GLIPR1L1: variants seen among roughly 807,000 people sequenced by gnomAD.
GLIPR1L1 encodes GLIPR1-like protein 1.
A neutral mutation model predicts 29.9 loss-of-function variants in GLIPR1L1; 26 were observed. The observed-to-expected ratio is 0.87, with a 90% confidence interval of 0.64 to 1.21. The LOEUF (loss-of-function observed/expected upper bound fraction) is 1.21, where lower values mean the gene tolerates loss of function less well. Among genes scored for constraint, GLIPR1L1 ranks in the 50% most tolerant of loss-of-function variants. The pLI, the probability that GLIPR1L1 is intolerant of heterozygous loss-of-function variation, is 0.00. For missense variants in GLIPR1L1, 305 were observed against 290.3 expected (o/e 1.05, Z -0.37); for synonymous variants, 77 against 97.5 (o/e 0.79, Z 1.24).
intron 1 of GLIPR1L1, among the ~76,000 whole-genome samples, chr12:75,342,019 AG>A (rs1441366351): frequency 6.6e-6 from 1 of 152,176 alleles, no homozygotes; most frequent in African/African-American, 2.4e-5. Context: ...CTGGGATTAC[AG>A]GCATGAGTCA....
intron 1 of GLIPR1L1, among the ~76,000 whole-genome samples, chr12:75,336,021 T>A (rs2041712294): frequency 6.6e-6 from 1 of 151,982 alleles, no homozygotes; most frequent in African/African-American, 2.4e-5. Flanking sequence ...AACAATGAAT[T>A]GTGGAGTTTA....
chr12:75,360,379 A>G (rs1041586507), intron 3 of GLIPR1L1: 2 of 152,192 alleles, frequency 1.3e-5, no homozygotes, highest in Non-Finnish European at 2.9e-5. Context: ...ATAAGCCTGT[A>G]AAATCAAAAA....
At chr12:75,335,363 GA>G (rs954545954) in intron 1 of GLIPR1L1, among the ~76,000 whole-genome samples, 18 of 151,594 alleles carry the variant, frequency 1.2e-4, no homozygotes, top group African/African-American at 4.4e-4. Flanking sequence ...AGTATTATTT[GA>G]AAAAAATACA....
At chr12:75,359,152 T>G (rs993479711) in intron 3 of GLIPR1L1, among the ~76,000 whole-genome samples, 1 of 150,370 alleles carries the variant, frequency 6.7e-6, no homozygotes, top group Non-Finnish European at 1.5e-5. Context: ...TACATGTCTG[T>G]ATACTAACAC....
chr12:75,352,997 T>C (rs1358948342), intron 3 of GLIPR1L1, among the ~76,000 whole-genome samples: 1 of 152,040 alleles, frequency 6.6e-6, no homozygotes, highest in African/African-American at 2.4e-5. Flanking sequence ...GCTAAAGCAG[T>C]ATTAAGAGGG....
At chr12:75,359,773 G>C (rs937145271) in intron 3 of GLIPR1L1, 3 of 152,062 alleles carry the variant, frequency 2.0e-5, no homozygotes, top group Admixed American at 1.3e-4. Flanking sequence ...GGAACAATTA[G>C]TTATCCATAA....
chr12:75,335,681 TA>T (rs1310092804), intron 1 of GLIPR1L1, among the ~76,000 whole-genome samples: 1 of 152,138 alleles, frequency 6.6e-6, no homozygotes, highest in Non-Finnish European at 1.5e-5. Flanking sequence ...AAAACTGTAC[TA>T]GTCTACTGTA....
At chr12:75,340,341 A>G (rs113776347) in intron 1 of GLIPR1L1, among the ~76,000 whole-genome samples, 1,621 of 151,944 alleles carry the variant, frequency 0.011, 20 homozygotes, top group African/African-American at 0.032. Context: ...AAAGTAATTC[A>G]GGGGAGCAAG....
chr12:75,353,475 A>G (rs535490168), intron 3 of GLIPR1L1, among the ~76,000 whole-genome samples: 51 of 152,322 alleles, frequency 3.3e-4, no homozygotes, highest in African/African-American at 9.6e-4. Flanking sequence ...TAGACCAATA[A>G]CAAGTTCTGA....
At chr12:75,366,331 G>A (rs1201774852) in intron 4 of GLIPR1L1, among the ~76,000 whole-genome samples, 1 of 152,126 alleles carries the variant, frequency 6.6e-6, no homozygotes. Context: ...TAAACAGTGG[G>A]TTTTGTCTCA....
Position 75,334,816 on chromosome 12 carries a change from G to A in GLIPR1L1, c.88G>A (p.Asp30Asn). ...ATCTTCCAAAATCCCATCCATCACT[G>A]ACCCACACTTTATAGACAACTGCAT... ...TTSSKIPSIT[D>N]PHFIDNCIEA... The change falls in exon 1 of 6, where the codon GAC (aspartate) becomes AAC (asparagine). Residue 30 changes from aspartate (D) to asparagine (N), a missense_variant. Transcript: ENST00000378695. 1 of 1,614,064 alleles carries A rather than the reference G, an allele frequency of 6.2e-7. No homozygotes were observed. Among genetic ancestry groups the A allele is most frequent in the East Asian group, 2.2e-5 (1 of 44,872 alleles).
chr12:75,343,348 C>T (rs532360499), intron 1 of GLIPR1L1, among the ~76,000 whole-genome samples: 5 of 151,932 alleles, frequency 3.3e-5, no homozygotes, highest in African/African-American at 1.2e-4. Context: ...AATGAGTATT[C>T]ATCCTTTAAT....
Position 75,347,660 on chromosome 12 carries a change from T to C in GLIPR1L1, c.459T>C (p.Val153=). The change falls in exon 3 of 6, where the codon GTT becomes GTC. Residue 153 remains valine (V), a synonymous_variant. Transcript: ENST00000378695. ...ATTCATTTTATGTCGGTTGTGCAGT[T>C]GCAATGTGTCCTAACCTTGGGGGAG... ...WANSFYVGCA[V]AMCPNLGGAS... is the part of the protein sequence containing the mutation. 6.2e-7 allele frequency: 1 copy of C among 1,610,194 alleles called. No homozygotes were observed. Among genetic ancestry groups the C allele is most frequent in the South Asian group, 1.1e-5 (1 of 90,692 alleles).
chr12:75,369,987 G>A lies in GLIPR1L1; in HGVS notation c.637+1G>A, dbSNP rs184425441. 402 of 1,081,728 alleles carry A rather than the reference G, an allele frequency of 3.7e-4. 1 individual carries two copies. The highest frequency in any genetic ancestry group is 4.8e-4 in the Non-Finnish European group (352 of 738,954). The allele number at this position is 1,081,728 out of a possible 1,614,324, so 67.0% of individuals were successfully genotyped here. ...ACTCCACAACTTATTATACCTAACC[G>A]TATGTATCAAAATATTTTAGTATTA... On this transcript the variant is annotated splice_donor_variant, in intron 5 of 5. Transcript: ENST00000378695. LOFTEE classifies it high-confidence loss of function.
At chr12:75,339,604 G>A (rs139786522) in intron 1 of GLIPR1L1, among the ~76,000 whole-genome samples, 58 of 152,098 alleles carry the variant, frequency 3.8e-4, no homozygotes, top group African/African-American at 1.3e-3. Context: ...GATACCATTT[G>A]TCCATTTTTG....
chr12:75,345,822 AAAAC>A (rs1318717328), intron 2 of GLIPR1L1, among the ~76,000 whole-genome samples: 2 of 152,168 alleles, frequency 1.3e-5, no homozygotes, highest in African/African-American at 2.4e-5. Context: ...AAAAACAAAC[AAAAC>A]AAACAAAACA....
intron 3 of GLIPR1L1, among the ~76,000 whole-genome samples, chr12:75,355,970 G>C (rs1036114435): frequency 2.0e-5 from 3 of 152,124 alleles, no homozygotes; most frequent in Non-Finnish European, 4.4e-5. Flanking sequence ...ACACACTGGG[G>C]CCTGTTGGGG....
chr12:75,364,801 G>T (rs1366939412), intron 4 of GLIPR1L1: 1 of 151,962 alleles, frequency 6.6e-6, no homozygotes, highest in African/African-American at 2.4e-5. Flanking sequence ...TGTGTCCCAA[G>T]GTGTCTGATA....
intron 3 of GLIPR1L1, among the ~76,000 whole-genome samples, chr12:75,361,895 A>G (rs918149274): frequency 6.6e-6 from 1 of 152,186 alleles, no homozygotes; most frequent in African/African-American, 2.4e-5. Context: ...AACCATATCA[A>G]TAGACCTAAA....
Sources: allele counts gnomAD v4.1 joint callset (sites outside exome capture counted in the v4.1 genomes callset), GRCh38; gene constraint gnomAD v4.1.1; transcripts MANE v1.5; gene names NCBI Gene and HGNC (gene_info 2026-07-23, HGNC 2026-07-21).